HDGFL3: variants seen among roughly 807,000 people sequenced by gnomAD.
The protein encoded by HDGFL3 is HDGF like 3, also known as hepatoma-derived growth factor-related protein 3.
HDGFL3 carries 6 observed loss-of-function variants against 27.6 expected under a neutral mutation model. The observed-to-expected ratio is 0.22, with a 90% CI of 0.12 to 0.43. The LOEUF is 0.43. Ranked by LOEUF, HDGFL3 falls within the 20% of genes least tolerant of loss-of-function variation. The probability of loss-of-function intolerance (pLI) is 1.00; values close to 1 mark genes in which losing one functional copy is unlikely to be tolerated. For missense variants in HDGFL3, 207 were observed against 250.1 expected (o/e 0.83, Z 1.16); for synonymous variants, 88 against 88.9 (o/e 0.99, Z 0.05).
chr15:83,149,230 A>G (rs552241536), intron 5 of HDGFL3, among the ~76,000 whole-genome samples: 1 of 152,360 alleles, frequency 6.6e-6, no homozygotes, highest in South Asian at 2.1e-4. Flanking sequence ...TAATGAATGC[A>G]GACCACGCAC....
chr15:83,152,414 C>A (rs999371949), intron 4 of HDGFL3, among the ~76,000 whole-genome samples: 2 of 151,738 alleles, frequency 1.3e-5, no homozygotes, highest in Admixed American at 1.3e-4. Flanking sequence ...ACAAAAATTA[C>A]CTGGGGCTGG....
intron 4 of HDGFL3, among the ~76,000 whole-genome samples, chr15:83,157,078 T>G (rs1208898684): frequency 1.3e-5 from 2 of 152,198 alleles, no homozygotes; most frequent in East Asian, 3.8e-4. Flanking sequence ...TCTTGAATTA[T>G]ATTGTGTTTC....
chr15:83,201,028 T>C (rs2037639018), intron 1 of HDGFL3, among the ~76,000 whole-genome samples: 2 of 152,122 alleles, frequency 1.3e-5, no homozygotes, highest in South Asian at 4.1e-4. Flanking sequence ...GAGAAATTAA[T>C]ATTTGTAACA....
intron 1 of HDGFL3, among the ~76,000 whole-genome samples, 177 bp from the exon 2 acceptor site, chr15:83,164,252 T>C (rs1438841673): frequency 1.3e-5 from 2 of 150,706 alleles, no homozygotes; most frequent in African/African-American, 4.9e-5. Flanking sequence ...AAGTCAACTC[T>C]AGGAATGGAT....
At chr15:83,118,508 G>C (rs552770187) in intron 3 of HDGFL3, among the ~76,000 whole-genome samples, 1 of 152,318 alleles carries the variant, frequency 6.6e-6, no homozygotes, top group South Asian at 2.1e-4. Flanking sequence ...GAAGGGACGT[G>C]GGCCTGGCAT....
intron 1 of HDGFL3, chr15:83,185,172 C>G (rs920063569): frequency 6.6e-5 from 10 of 152,340 alleles, no homozygotes; most frequent in African/African-American, 2.2e-4. Context: ...TACTGGCGCC[C>G]ACCACCACGC....
At chr15:83,115,780 T>C (rs1013453707) in intron 3 of HDGFL3, 3 of 1,059,386 alleles carry the variant, frequency 2.8e-6, no homozygotes, top group Admixed American at 3.5e-5. Context: ...TATTAGCTGA[T>C]GCCAAGCTTG....
At chr15:83,176,940 C>CTTCTCACAAAAACTACT (rs1555454916) in intron 1 of HDGFL3, among the ~76,000 whole-genome samples, 3 of 151,782 alleles carry the variant, frequency 2.0e-5, no homozygotes, top group African/African-American at 4.9e-5. Context: ...CTAAAAACCC[C>CTTCTCACAAAAACTACT]AGAGTCTTGC....
At chr15:83,155,449 GGC>G (rs1324283566) in intron 4 of HDGFL3, among the ~76,000 whole-genome samples, 1 of 152,134 alleles carries the variant, frequency 6.6e-6, no homozygotes, top group Non-Finnish European at 1.5e-5. Flanking sequence ...AAGCTCAGCA[GGC>G]AATCACAAAT....
intron 5 of HDGFL3, among the ~76,000 whole-genome samples, chr15:83,142,983 G>A (rs1386210549): frequency 6.6e-6 from 1 of 151,428 alleles, no homozygotes; most frequent in African/African-American, 2.4e-5. Context: ...TATCATTAAC[G>A]ATCACATATA....
At position 83,148,489 on chromosome 15, in the gene HDGFL3, G is replaced by C. The variant is rs578222764; in HGVS notation, c.606+2726C>G. Among the ~76,000 whole-genome samples the C allele has an allele frequency of 3.3e-3, 507 of 152,218 alleles. 2 individuals are homozygous for C. The highest frequency in any genetic ancestry group is 4.7e-3 in the Non-Finnish European group (319 of 68,016). ...ACAAAAAAATTAGCCAGGTGTGGTG[G>C]TGGGTGCCTGTAGTCCCAGCTACTT... On this transcript the variant is annotated intron_variant, in intron 5 of 5. Coordinates refer to ENST00000299633, the MANE Select transcript of HDGFL3 (RefSeq NM_016073.4).
At chr15:83,115,980 A>G in intron 3 of HDGFL3, 1 of 1,484,084 alleles carries the variant, frequency 6.7e-7, no homozygotes, top group Non-Finnish European at 9.4e-7. Context: ...TTTCAACCAA[A>G]AGGCCACAAC....
chr15:83,146,059 C>T (rs1482056060), intron 5 of HDGFL3, among the ~76,000 whole-genome samples: 1 of 151,540 alleles, frequency 6.6e-6, no homozygotes, highest in East Asian at 1.9e-4. Flanking sequence ...TACAAGTGTG[C>T]ACCACCATGC....
chr15:83,124,827 C>T, downstream of HDGFL3: 1 of 1,408,252 alleles, frequency 7.1e-7, no homozygotes, highest in Non-Finnish European at 1.0e-6. Flanking sequence ...ACTCACATTT[C>T]CAAATGGAAA....
At chr15:83,119,762 G>A (rs771049400) in intron 3 of HDGFL3, 280 of 1,592,496 alleles carry the variant, frequency 1.8e-4, no homozygotes, top group Non-Finnish European at 2.3e-4. Flanking sequence ...ATGCATAGAG[G>A]CAAATACACA....
In HDGFL3 at chr15:83,164,054, C is replaced by T; in HGVS notation, c.106G>A (p.Ala36Thr). 1.9e-6 allele frequency: 3 copies of T among 1,609,402 alleles called. No homozygotes were observed. Among genetic ancestry groups the T allele is most frequent in the Non-Finnish European group, 2.5e-6 (3 of 1,178,212 alleles). ...TACTTGTTTGCTGGAGGCTTCACAG[C>T]GCCCTCTGGGAGTTCATCAATCTAT... ...PARIDELPEG[A>T]VKPPANKYPI... is the part of the protein sequence containing the mutation. The change falls in exon 2 of 6, where the codon GCT becomes ACT. Residue 36 changes from alanine (A) to threonine (T), a missense_variant. Physicochemically the swap from Ala to Thr is moderately conservative, Grantham distance 58. Transcript: ENST00000299633.
At chr15:83,182,213 A>G (rs1369849258) in intron 1 of HDGFL3, among the ~76,000 whole-genome samples, 1 of 151,954 alleles carries the variant, frequency 6.6e-6, no homozygotes, top group African/African-American at 2.4e-5. Context: ...TTAACAAACT[A>G]AAGTGTTATA....
intron 4 of HDGFL3, among the ~76,000 whole-genome samples, chr15:83,156,838 C>T (rs1031584762): frequency 2.0e-5 from 3 of 152,008 alleles, no homozygotes; most frequent in Non-Finnish European, 4.4e-5. Context: ...GGACTACAGG[C>T]GCCCGCCACC....
At chr15:83,119,647 A>G in intron 3 of HDGFL3, 2 of 1,614,166 alleles carry the variant, frequency 1.2e-6, no homozygotes, top group Non-Finnish European at 1.7e-6. Context: ...TCATTATCTG[A>G]TGTACCTGGT....
Sources: allele counts gnomAD v4.1 joint callset (sites outside exome capture counted in the v4.1 genomes callset), GRCh38; gene constraint gnomAD v4.1.1; transcripts MANE v1.5; gene names NCBI Gene and HGNC (gene_info 2026-07-23, HGNC 2026-07-21).